NCOA2: variants seen among roughly 807,000 people sequenced by gnomAD.
NCOA2 encodes the protein nuclear receptor coactivator 2.
In NCOA2, 21 loss-of-function variants were observed where a neutral mutation model predicts 145.1. The ratio of observed to expected loss-of-function variants is 0.14; its 90% CI spans 0.10 to 0.21. The LOEUF (loss-of-function observed/expected upper bound fraction) is 0.21. Ranked by LOEUF, NCOA2 falls within the 10% of genes least tolerant of loss-of-function variation. The probability of loss-of-function intolerance (pLI) is 1.00; values close to 1 mark genes in which losing one functional copy is unlikely to be tolerated. For synonymous variants in NCOA2, 619 were observed against 637.5 expected, an observed-to-expected ratio of 0.97 and a Z score of 0.44; for missense variants, 1,472 against 1,837.6, an observed-to-expected ratio of 0.80 and a Z score of 3.64.
At chr8:70,281,311 G>C (rs1029000871) in intron 2 of NCOA2, among the ~76,000 whole-genome samples, 2 of 133,012 alleles carry the variant, frequency 1.5e-5, no homozygotes, top group African/African-American at 5.8e-5. Flanking sequence ...AGCCAAGATA[G>C]TGCCACTGTA....
intron 1 of NCOA2, among the ~76,000 whole-genome samples, chr8:70,337,458 G>A (rs1807713258): frequency 6.6e-6 from 1 of 152,124 alleles, no homozygotes; most frequent in African/African-American, 2.4e-5. Context: ...AAACTGCTGA[G>A]ACTCGAATAG....
intron 2 of NCOA2, among the ~76,000 whole-genome samples, chr8:70,262,394 G>A (rs1824210179): frequency 6.6e-6 from 1 of 152,206 alleles, no homozygotes; most frequent in Non-Finnish European, 1.5e-5. Context: ...TCCTACAGGA[G>A]TTACCATATG....
Position 70,389,127 on chromosome 8 carries a change from C to T in NCOA2, c.-77+14573G>A, listed in dbSNP as rs73288563. Among the ~76,000 whole-genome samples the T allele has an allele frequency of 4.2e-3, 639 of 151,830 alleles. 6 individuals are homozygous for T. The highest frequency in any genetic ancestry group is 0.015 in the African/African-American group (610 of 41,356). Reference sequence around the variant, plus strand: ...TGTCTTTATACTATTTTTGTTGTTCCCCCTTGTTTTTAATGTCCCTGTTTT... The same window carrying T: ...TGTCTTTATACTATTTTTGTTGTTCTCCCTTGTTTTTAATGTCCCTGTTTT... On this transcript the variant is annotated intron_variant, in intron 1 of 22. Transcript: ENST00000452400.
the NCOA2 span, among the ~76,000 whole-genome samples, chr8:70,451,237 A>AATATATATAT: frequency 2.4e-4 from 17 of 69,510 alleles, no homozygotes; most frequent in African/African-American, 6.9e-4. Context: ...AAAAAAAAAA[A>AATATATATAT]ATATATATAT....
chr8:70,161,860 T>A (rs556989149), intron 9 of NCOA2, among the ~76,000 whole-genome samples: 1 of 152,176 alleles, frequency 6.6e-6, no homozygotes, highest in South Asian at 2.1e-4. Flanking sequence ...CCTCCCCAAA[T>A]TAGCACATAC....
At chr8:70,305,816 T>C (rs912598420) in intron 1 of NCOA2, among the ~76,000 whole-genome samples, 2 of 152,246 alleles carry the variant, frequency 1.3e-5, no homozygotes. Flanking sequence ...GTAGAAAGAA[T>C]GTAGTATTCC....
chr8:70,369,928 G>A (rs998719981), intron 1 of NCOA2, among the ~76,000 whole-genome samples: 5 of 151,740 alleles, frequency 3.3e-5, no homozygotes, highest in Non-Finnish European at 7.4e-5. Context: ...TTGAGACAGG[G>A]TTTCATTCTG....
chr8:70,259,154 T>C (rs534504497), intron 2 of NCOA2, among the ~76,000 whole-genome samples: 1 of 152,308 alleles, frequency 6.6e-6, no homozygotes, highest in Non-Finnish European at 1.5e-5. Context: ...GTTTATTATC[T>C]CAATAGCTGC....
intron 5 of NCOA2, 23 bp downstream of exon 5, chr8:70,174,733 G>A: frequency 6.3e-7 from 1 of 1,575,574 alleles, no homozygotes; most frequent in Non-Finnish European, 8.7e-7. Flanking sequence ...TTAAAATACA[G>A]CACTAAAATG....
chr8:70,363,989 C>A (rs761443730), intron 1 of NCOA2, among the ~76,000 whole-genome samples: 1 of 148,318 alleles, frequency 6.7e-6, no homozygotes, highest in Non-Finnish European at 1.5e-5. Context: ...ATGCTATATG[C>A]AGTACAGGTG....
At chr8:70,242,401 T>C (rs750349413) in intron 2 of NCOA2, among the ~76,000 whole-genome samples, 22 of 152,244 alleles carry the variant, frequency 1.4e-4, no homozygotes, top group Admixed American at 2.0e-4. Flanking sequence ...ATATTAGTGA[T>C]TACTACAAGC....
At chr8:70,211,749 C>T (rs1398825317) in intron 4 of NCOA2, among the ~76,000 whole-genome samples, 1 of 152,112 alleles carries the variant, frequency 6.6e-6, no homozygotes, top group African/African-American at 2.4e-5. Context: ...AAAGACTATT[C>T]GGAAAATATC....
intron 2 of NCOA2, among the ~76,000 whole-genome samples, chr8:70,292,034 C>T (rs962703753): frequency 6.7e-6 from 1 of 149,044 alleles, no homozygotes; most frequent in African/African-American, 2.5e-5. Context: ...GAGATCCACC[C>T]ACTGCACTCC....
At chr8:70,292,432 G>A in intron 2 of NCOA2, among the ~76,000 whole-genome samples, 1 of 151,734 alleles carries the variant, frequency 6.6e-6, no homozygotes, top group East Asian at 2.0e-4. Context: ...TTACAGGTGT[G>A]AGCCACCGCA....
At chr8:70,139,280 T>C (rs979897193) in intron 14 of NCOA2, among the ~76,000 whole-genome samples, 7 of 152,188 alleles carry the variant, frequency 4.6e-5, no homozygotes, top group Non-Finnish European at 1.0e-4. Context: ...AACTCAGCTA[T>C]ACAATAAAGC....
chr8:70,273,907 A>C, intron 2 of NCOA2: 2 of 466,618 alleles, frequency 4.3e-6, no homozygotes, highest in Non-Finnish European at 8.3e-6. Flanking sequence ...GGGAGCTGCT[A>C]TTTTATATTA....
At chr8:70,423,063 T>C in the NCOA2 span, among the ~76,000 whole-genome samples, 1 of 152,190 alleles carries the variant, frequency 6.6e-6, no homozygotes, top group South Asian at 2.1e-4. Context: ...AACCTCCTGA[T>C]TGGGATGTTC....
the NCOA2 span, among the ~76,000 whole-genome samples, chr8:70,444,890 G>T: frequency 6.6e-6 from 1 of 152,126 alleles, no homozygotes; most frequent in Admixed American, 6.5e-5. Flanking sequence ...ACCTCACCTT[G>T]ATTCTATCTT....
At chr8:70,153,542 GAAAT>G (rs964443036) in intron 11 of NCOA2, among the ~76,000 whole-genome samples, 1 of 152,074 alleles carries the variant, frequency 6.6e-6, no homozygotes, top group African/African-American at 2.4e-5. Context: ...GCCTAGGATA[GAAAT>G]AAATCGTTTA....
Sources: gnomAD v4.1 joint callset for allele counts (sites outside exome capture counted in the v4.1 genomes callset) on GRCh38, gnomAD v4.1.1 for gene constraint, MANE v1.5 for transcripts, NCBI Gene and HGNC (gene_info 2026-07-23, HGNC 2026-07-21) for gene names.